Variants in OR2C1 observed in about 807,000 individuals in gnomAD.
The protein encoded by OR2C1 is olfactory receptor family 2 subfamily C member 1.
For synonymous variants in OR2C1, 209 were observed against 167.3 expected, an observed-to-expected ratio of 1.25 and a Z score of -1.92; for missense variants, 468 against 388.3, an observed-to-expected ratio of 1.21 and a Z score of -1.73.
the OR2C1 span, among the ~76,000 whole-genome samples, chr16:3,338,914 T>G: frequency 3.7e-4 from 57 of 152,332 alleles, 1 homozygote; most frequent in South Asian, 5.6e-3. Context: ...TGACATTTAG[T>G]ACATACACAA....
chr16:3,347,644 A>T, the OR2C1 span, among the ~76,000 whole-genome samples: 1 of 152,062 alleles, frequency 6.6e-6, no homozygotes, highest in South Asian at 2.1e-4. Context: ...AGAAAATGAG[A>T]TCATACGATG....
the OR2C1 span, among the ~76,000 whole-genome samples, chr16:3,334,746 C>G: frequency 4.0e-5 from 6 of 151,704 alleles, no homozygotes; most frequent in Admixed American, 6.6e-5. Flanking sequence ...GTTTTTATGC[C>G]AGTACCATGC....
the OR2C1 span, among the ~76,000 whole-genome samples, chr16:3,336,394 C>T: frequency 6.6e-6 from 1 of 151,922 alleles, no homozygotes; most frequent in African/African-American, 2.4e-5. Flanking sequence ...TTGAGTCTCG[C>T]TCTGTTGCTC....
chr16:3,347,170 C>G, the OR2C1 span, among the ~76,000 whole-genome samples: 1 of 140,284 alleles, frequency 7.1e-6, no homozygotes, highest in Non-Finnish European at 1.5e-5. Context: ...TCACTTGAAC[C>G]CGGGAGGCAG....
At chr16:3,332,534 T>G in the OR2C1 span, among the ~76,000 whole-genome samples, 1 of 152,122 alleles carries the variant, frequency 6.6e-6, no homozygotes, top group African/African-American at 2.4e-5. Flanking sequence ...TTCCTGGCCT[T>G]TGCTAACCTT....
At chr16:3,329,608 C>T in the OR2C1 span, among the ~76,000 whole-genome samples, 2 of 151,652 alleles carry the variant, frequency 1.3e-5, no homozygotes, top group Non-Finnish European at 2.9e-5. Flanking sequence ...CGCCACCACA[C>T]CCGGCTAATT....
chr16:3,325,487 A>C, the OR2C1 span, among the ~76,000 whole-genome samples: 177 of 122,812 alleles, frequency 1.4e-3, 5 homozygotes, highest in African/African-American at 4.2e-3. Flanking sequence ...ATATATATAT[A>C]TATATATATA....
At chr16:3,341,089 C>T in the OR2C1 span, among the ~76,000 whole-genome samples, 7 of 151,916 alleles carry the variant, frequency 4.6e-5, no homozygotes, top group South Asian at 6.2e-4. Context: ...ACTATAATTA[C>T]AAGATGTCTT....
chr16:3,335,266 G>C, the OR2C1 span, among the ~76,000 whole-genome samples: 5 of 152,064 alleles, frequency 3.3e-5, no homozygotes, highest in Non-Finnish European at 7.4e-5. Context: ...AATTGCTTTG[G>C]GTAGTATTGT....
chr16:3,340,471 G>T, the OR2C1 span, among the ~76,000 whole-genome samples: 2 of 151,980 alleles, frequency 1.3e-5, no homozygotes, highest in Non-Finnish European at 2.9e-5. Context: ...TTTTAATGAG[G>T]TCCAATTTAT....
At chr16:3,327,398 A>G in the OR2C1 span, among the ~76,000 whole-genome samples, 6 of 152,106 alleles carry the variant, frequency 3.9e-5, no homozygotes, top group Non-Finnish European at 7.4e-5. Flanking sequence ...GTTCCTACTC[A>G]GTGGAGGACC....
At chr16:3,353,389 G>A (rs1369512977), upstream of OR2C1, among the ~76,000 whole-genome samples, 4 of 151,304 alleles carry the variant, frequency 2.6e-5, no homozygotes, top group Non-Finnish European at 5.9e-5. Context: ...TACTTGAGAG[G>A]CTGAGGCAGG....
rs906556726 is a variant in OR2C1 at position 3,357,129 on chromosome 16, G to A, written c.*250G>A. ...GAGACATGTTGTTGAGGGCTCAGAG[G>A]TTATTGACCTGTGACAGACCTGTCT... On this transcript the variant is annotated 3_prime_UTR_variant, in exon 1 of 1. Transcript: ENST00000304936. 2 of 449,276 alleles carry A rather than the reference G, an allele frequency of 4.5e-6. No individual in the cohort carries two copies. The highest frequency in any genetic ancestry group is 8.3e-6 in the Non-Finnish European group (2 of 242,422). 27.8% of individuals were successfully genotyped at this position (449,276 alleles called of 1,614,324 possible).
At chr16:3,333,990 G>GGA in the OR2C1 span, among the ~76,000 whole-genome samples, 1 of 151,638 alleles carries the variant, frequency 6.6e-6, no homozygotes, top group Non-Finnish European at 1.5e-5. Flanking sequence ...GGGGTGGTGG[G>GGA]GGGACAGGGT....
chr16:3,355,308 A>C (rs2030643171), upstream of OR2C1, among the ~76,000 whole-genome samples: 1 of 151,628 alleles, frequency 6.6e-6, no homozygotes, highest in South Asian at 2.1e-4. Context: ...TAAAACAAAA[A>C]TTAGCCAGGC....
chr16:3,346,027 A>G, the OR2C1 span, among the ~76,000 whole-genome samples: 5 of 152,104 alleles, frequency 3.3e-5, no homozygotes, highest in South Asian at 2.1e-4. Flanking sequence ...TAGAGACAAG[A>G]TCTCACTATG....
chr16:3,334,409 T>G, the OR2C1 span, among the ~76,000 whole-genome samples: 1 of 151,582 alleles, frequency 6.6e-6, no homozygotes, highest in East Asian at 2.0e-4. Context: ...GTGCTGGGAT[T>G]ACAGACTTGA....
At chr16:3,332,058 T>A in the OR2C1 span, among the ~76,000 whole-genome samples, 106,989 of 135,984 alleles carry the variant, frequency 0.79, 42,053 homozygotes, top group East Asian at 0.93. Context: ...GGGGAACATC[T>A]CACTCTGGGG....
Position 3,356,007 on chromosome 16 carries a change from C to T in OR2C1, c.67C>T (p.Leu23=). The T allele has an allele frequency of 6.2e-7, 1 of 1,614,034 alleles. No individual in the cohort carries two copies. Among genetic ancestry groups the T allele is most frequent in the Non-Finnish European group, 8.5e-7 (1 of 1,179,918 alleles). The change falls in exon 1 of 1, where the codon CTG becomes TTG. Residue 23 remains leucine (L), a synonymous_variant. Coordinates refer to ENST00000304936, the MANE Select transcript of OR2C1 (RefSeq NM_012368.3). ...GATGGGCATATCAGACCATCCCCAG[C>T]TGGAGATGATCTTTTTTATAGCCAT... ...VLMGISDHPQ[L]EMIFFIAILF...
Sources: gnomAD v4.1 joint callset for allele counts (sites outside exome capture counted in the v4.1 genomes callset) on GRCh38, gnomAD v4.1.1 for gene constraint, MANE v1.5 for transcripts, NCBI Gene and HGNC (gene_info 2026-07-23, HGNC 2026-07-21) for gene names.